The following DNAJA4 variants were observed in gnomAD, a reference collection of about 807,000 sequenced individuals.
The protein encoded by DNAJA4 is DnaJ heat shock protein family (Hsp40) member A4, also known as dnaJ homolog subfamily A member 4.
A neutral mutation model predicts 39.7 loss-of-function variants in DNAJA4; 32 were observed. That is an observed-to-expected ratio of 0.81 (90% CI 0.61 to 1.08). The LOEUF is 1.08. DNAJA4 is among the 50% of genes least tolerant of loss of function. The pLI is 0.00. For synonymous variants in DNAJA4, 184 were observed against 182.4 expected, an observed-to-expected ratio of 1.01 and a Z score of -0.07; for missense variants, 439 against 505.1, an observed-to-expected ratio of 0.87 and a Z score of 1.25.
At chr15:78,272,321 G>T (rs2049323630) in intron 2 of DNAJA4, among the ~76,000 whole-genome samples, 2 of 152,174 alleles carry the variant, frequency 1.3e-5, no homozygotes, top group African/African-American at 4.8e-5. Flanking sequence ...TGGGGACAGA[G>T]CAAGACTCTG....
At chr15:78,267,212 A>AG (rs2049163130) in intron 1 of DNAJA4, among the ~76,000 whole-genome samples, 9 of 84,378 alleles carry the variant, frequency 1.1e-4, no homozygotes, top group South Asian at 7.2e-4. Context: ...GTGAGTGTGT[A>AG]TGTGTGTGTA....
At chr15:78,277,241 G>A (rs1196970963) in intron 5 of DNAJA4, among the ~76,000 whole-genome samples, 2 of 152,124 alleles carry the variant, frequency 1.3e-5, no homozygotes, top group Non-Finnish European at 2.9e-5. Context: ...CTGGAGTGCA[G>A]TGGCGTGATC....
chr15:78,280,625 CTT>C lies in DNAJA4; in HGVS notation c.*166_*167del, dbSNP rs2141474793. ...TTTTTGGCTTTTCTTTTGGTTGTAA[CTT>C]AAGTTATAGCTTAATTTATATTTAA... On this transcript the variant is annotated 3_prime_UTR_variant, in exon 7 of 7. Coordinates refer to ENST00000394852, the MANE Select transcript of DNAJA4 (RefSeq NM_001130182.2). The C allele has an allele frequency of 1.7e-6, 1 of 593,934 alleles. No homozygotes were observed. Among genetic ancestry groups the C allele is most frequent in the African/African-American group, 1.9e-5 (1 of 54,000 alleles). 36.8% of individuals were successfully genotyped at this position (593,934 alleles called of 1,614,324 possible).
At position 78,264,637 on chromosome 15, in the gene DNAJA4, G is replaced by GGCA. The variant is rs1484079271; in HGVS notation, c.-125_-124insAGC. 2.9e-6 allele frequency: 3 copies of GGCA among 1,020,878 alleles called. No homozygotes were observed. Among genetic ancestry groups the GGCA allele is most frequent in the Non-Finnish European group, 3.5e-6 (3 of 853,882 alleles). The allele number at this position is 1,020,878 out of a possible 1,614,324, so 63.2% of individuals were successfully genotyped here. A position where few individuals can be genotyped will look rare whatever the true frequency, so the allele number is the denominator to read the frequency against. ...GGCGGGAGCTACAAGCGGCGGCGGC[G>GGCA]GCGGCGACCGTGACCGTGACGCGCG... On this transcript the variant is annotated 5_prime_UTR_variant, in exon 1 of 7. Coordinates refer to ENST00000394852, the MANE Select transcript of DNAJA4 (RefSeq NM_001130182.2).
chr15:78,279,781 C>T lies in DNAJA4; in HGVS notation c.878-264C>T, dbSNP rs148774315. On this transcript the variant is annotated intron_variant, in intron 5 of 6. Transcript: ENST00000394852. The surrounding 1 kb of genome is among the most constrained non-coding windows in gnomAD (Gnocchi z 4.5). ...TTCTAGTTCACTTGTTTTAAACCTA[C>T]CTGTGATGGCAGCTGCACCATGCTG... The T allele has an allele frequency of 6.2e-4, 328 of 528,120 alleles. 1 individual carries two copies. Among genetic ancestry groups the T allele is most frequent in the African/African-American group, 5.1e-3 (268 of 52,768 alleles). The allele number at this position is 528,120 out of a possible 1,614,324, so 32.7% of individuals were successfully genotyped here.
rs1255059259 is a variant in DNAJA4, at chr15:78,279,947, C to T, written c.878-98C>T. 7 of 1,149,356 alleles carry T rather than the reference C, an allele frequency of 6.1e-6. No individual in the cohort carries two copies. Among genetic ancestry groups the T allele is most frequent in the African/African-American group, 3.1e-5 (2 of 64,900 alleles). The allele number at this position is 1,149,356 out of a possible 1,614,324, so 71.2% of individuals were successfully genotyped here. On this transcript the variant is annotated intron_variant, in intron 5 of 6. Coordinates refer to ENST00000394852, the MANE Select transcript of DNAJA4 (RefSeq NM_001130182.2). The surrounding 1 kb of genome is among the most constrained non-coding windows in gnomAD (Gnocchi z 4.5). ...GCCACGTTTCCTTTGCCCACTGCCA[C>T]GGGGCACTAGGGCCTGCCGCAGGCT...
rs778772507 is a variant in DNAJA4 at position 78,274,276 on chromosome 15, C to G, written c.498C>G (p.Ile166Met). Residue 166 changes from isoleucine to methionine, a missense_variant, in exon 4 of 7, where the codon ATC becomes ATG. Transcript: ENST00000394852. ...GRGMQIHIQQ[I>M]GPGMVQQIQT... ...GGATGCAGATCCACATCCAGCAGAT[C>G]GGGCCGGGCATGGTACAGCAGATCC... is the stretch of plus-strand genomic sequence containing the variant. The G allele has an allele frequency of 2.5e-6, 4 of 1,614,170 alleles. No homozygotes were observed. The highest frequency in any genetic ancestry group is 2.2e-5 in the East Asian group (1 of 44,876).
chr15:78,268,933 G>T (rs928508856), intron 1 of DNAJA4, among the ~76,000 whole-genome samples: 15 of 152,218 alleles, frequency 9.9e-5, no homozygotes, highest in Admixed American at 7.9e-4. Context: ...TGGGTTTGCA[G>T]TGTTAAAGCT....
intron 1 of DNAJA4, chr15:78,266,358 T>A: frequency 6.8e-7 from 1 of 1,473,076 alleles, no homozygotes; most frequent in Non-Finnish European, 9.4e-7. Context: ...GCTTTTATTT[T>A]TAAAAAATTA....
At position 78,280,066 on chromosome 15, in the gene DNAJA4, AC is replaced by A; in HGVS notation, c.901del (p.Leu301Ter). ...GCAGGTGAGGTGATAAAGCACGGGG[AC>A]CTGAGATGCGTGCGCGATGAAGGAA... ...SKAGEVIKHG[D>X]LRCVRDEGMP... On this transcript the variant is annotated frameshift_variant, in exon 6 of 7. Transcript: ENST00000394852. LOFTEE classifies it high-confidence loss of function. 6.2e-7 allele frequency: 1 copy of A among 1,614,152 alleles called. No homozygotes were observed.
chr15:78,275,557 G>C lies in DNAJA4; in HGVS notation c.706G>C (p.Glu236Gln), dbSNP rs2049430596. Reference sequence around the variant, plus strand: ...AGAAGGAGATCAGGAGCCTGAGCTGGAGCCTGGTGATGTCATAATTGTGCT... The same window carrying C: ...AGAAGGAGATCAGGAGCCTGAGCTGCAGCCTGGTGATGTCATAATTGTGCT... ...HGEGDQEPELEPGDVIIVLDQ... is the reference protein window; with the variant it reads ...HGEGDQEPELQPGDVIIVLDQ... The change falls in exon 5 of 7, where the codon GAG becomes CAG. Residue 236 changes from glutamate to glutamine, a missense_variant. Glu to Gln is a conservative substitution (Grantham distance 29, BLOSUM62 2). Transcript: ENST00000394852. The C allele has an allele frequency of 6.2e-7, 1 of 1,614,086 alleles. No individual in the cohort carries two copies. Among genetic ancestry groups the C allele is most frequent in the African/African-American group, 1.3e-5 (1 of 74,932 alleles).
At chr15:78,280,004 C>G in intron 5 of DNAJA4, 41 bp from the exon 6 acceptor site, 5 of 1,591,450 alleles carry the variant, frequency 3.1e-6, no homozygotes, top group Non-Finnish European at 4.3e-6. Flanking sequence ...TCTGCAGGCC[C>G]CTCTGCCTTC....
intron 5 of DNAJA4, 90 bp downstream of exon 5, chr15:78,275,818 AT>A: frequency 1.2e-6 from 1 of 847,672 alleles, no homozygotes; most frequent in Admixed American, 2.5e-5. Context: ...TTGCTACATA[AT>A]ATTTTACATA....
Position 78,270,727 on chromosome 15 carries a change from T to C in DNAJA4, c.313+50T>C, listed in dbSNP as rs147894873. ...ATAAGTTGTATGGTTTCCACAATTA[T>C]ACGTGTTGTTGGAATCAGGATAGAT... On this transcript the variant is annotated intron_variant, in intron 2 of 6. Transcript: ENST00000394852. The C allele has an allele frequency of 8.0e-4, 1,264 of 1,578,290 alleles. 8 individuals are homozygous for C. The African/African-American group carries it at 0.015, about 19-fold the overall frequency.
intron 1 of DNAJA4, chr15:78,266,275 A>G (rs1595921936): frequency 5.0e-6 from 8 of 1,614,024 alleles, no homozygotes; most frequent in African/African-American, 2.7e-5. Flanking sequence ...ATTCAGGTCA[A>G]ATCTCAGCAC....
rs773717705 is a variant in DNAJA4, at chr15:78,268,633, G to T, written c.133-1864G>T. Among the ~76,000 whole-genome samples the T allele has an allele frequency of 2.0e-5, 3 of 151,900 alleles. No homozygotes were observed. The South Asian group carries it at 6.2e-4, about 32-fold the overall frequency. ...TCTGTTTATCTATATATCCATATTT[G>T]TCTCTCCGACTAAACTGTAGCCTCT... is the stretch of plus-strand genomic sequence containing the variant. On this transcript the variant is annotated intron_variant, in intron 1 of 6. Transcript: ENST00000394852.
At chr15:78,269,321 G>A (rs1397113196) in intron 1 of DNAJA4, among the ~76,000 whole-genome samples, 1 of 152,206 alleles carries the variant, frequency 6.6e-6, no homozygotes, top group Non-Finnish European at 1.5e-5. Flanking sequence ...GCCTGAGATG[G>A]TGCCTTCAGC....
chr15:78,264,581 T>TGGAAGTCGGTCCGGCGC lies in DNAJA4; in HGVS notation c.-180_-164dup. On this transcript the variant is annotated 5_prime_UTR_variant, in exon 1 of 7. Transcript: ENST00000394852. Reference sequence around the variant, plus strand: ...GGCTCTAGTGCGGTGGAGCCAGGCGTGGAAGTCGGTCCGGCGCGGGGCGGG... The same window carrying TGGAAGTCGGTCCGGCGC: ...GGCTCTAGTGCGGTGGAGCCAGGCGTGGAAGTCGGTCCGGCGCGGAAGTCGGTCCGGCGCGGGGCGGG... 1 of 1,167,464 alleles carries TGGAAGTCGGTCCGGCGC rather than the reference T, an allele frequency of 8.6e-7. No individual in the cohort carries two copies. The highest frequency in any genetic ancestry group is 3.8e-5 in the East Asian group (1 of 26,256). The allele number at this position is 1,167,464 out of a possible 1,614,324, so 72.3% of individuals were successfully genotyped here.
At chr15:78,266,708 A>G (rs1219293549) in intron 1 of DNAJA4, among the ~76,000 whole-genome samples, 2 of 152,192 alleles carry the variant, frequency 1.3e-5, no homozygotes, top group Non-Finnish European at 2.9e-5. Context: ...TACTTGTTTG[A>G]TTAACTGTAT....
Sources: allele counts gnomAD v4.1 joint callset (sites outside exome capture counted in the v4.1 genomes callset), GRCh38; gene constraint gnomAD v4.1.1; non-coding constraint Gnocchi (gnomAD v3.1); transcripts MANE v1.5; gene names NCBI Gene and HGNC (gene_info 2026-07-23, HGNC 2026-07-21).